The following EPYC variants were observed in gnomAD, a reference collection of about 807,000 sequenced individuals.
The protein encoded by EPYC is dermatan sulfate proteoglycan 3.
A neutral mutation model predicts 30.1 loss-of-function variants in EPYC; 28 were observed. The ratio of observed to expected loss-of-function variants is 0.93; its 90% confidence interval spans 0.69 to 1.28. The LOEUF (loss-of-function observed/expected upper bound fraction) is 1.28. Among genes scored for constraint, EPYC ranks in the 50% most tolerant of loss-of-function variants. The pLI is 0.00. For synonymous variants in EPYC, 144 were observed against 141.4 expected (o/e 1.02, Z -0.13); for missense variants, 382 against 383.5 (o/e 1.00, Z 0.03).
intron 2 of EPYC, among the ~76,000 whole-genome samples, chr12:90,985,686 C>G (rs995152694): frequency 1.3e-5 from 2 of 151,896 alleles, no homozygotes; most frequent in Admixed American, 6.6e-5. Flanking sequence ...AAGCTGCCCC[C>G]TTGCCCATGT....
intron 2 of EPYC, among the ~76,000 whole-genome samples, chr12:91,001,375 A>G (rs1158007748): frequency 6.6e-6 from 1 of 152,088 alleles, no homozygotes; most frequent in Non-Finnish European, 1.5e-5. Flanking sequence ...AGATTGCCCA[A>G]AATATGTTAT....
At chr12:90,977,966 C>T in intron 3 of EPYC, 122 bp downstream of exon 3, 1 of 690,750 alleles carries the variant, frequency 1.4e-6, no homozygotes. Flanking sequence ...TGCTTCAAAC[C>T]TAGCCTATTC....
chr12:90,983,437 A>G (rs1486017564), intron 2 of EPYC, among the ~76,000 whole-genome samples: 2 of 152,140 alleles, frequency 1.3e-5, no homozygotes, highest in Non-Finnish European at 2.9e-5. Flanking sequence ...GACTAAAGAC[A>G]TGGGTGTCAG....
chr12:91,002,037 A>T (rs1053330169), intron 2 of EPYC, among the ~76,000 whole-genome samples: 7 of 151,726 alleles, frequency 4.6e-5, no homozygotes, highest in Non-Finnish European at 1.5e-5. Context: ...AAATACAAAA[A>T]TTAGCTGCGT....
chr12:90,972,136 A>T, intron 4 of EPYC, 134 bp from the exon 5 acceptor site: 1 of 566,150 alleles, frequency 1.8e-6, no homozygotes, highest in Admixed American at 3.6e-5. Flanking sequence ...CTTTCTTTTT[A>T]TAAAAAATTA....
chr12:90,978,265 G>GAAAAAA lies in EPYC; in HGVS notation c.166-9_166-4dup. On this transcript the variant is annotated splice_region_variant and splice_polypyrimidine_tract_variant and intron_variant, in intron 2 of 6. Coordinates refer to ENST00000261172, the MANE Select transcript of EPYC (RefSeq NM_004950.5). ...GGCATCACTGTGGCTATTTCAATCTGAAAAAAAAAAAAAAAAGAGAATTTC... is the reference window on the plus strand; with the variant it reads ...GGCATCACTGTGGCTATTTCAATCTGAAAAAAAAAAAAAAAAAAAAAAGAGAATTTC... The GAAAAAA allele has an allele frequency of 8.1e-7, 1 of 1,238,334 alleles. No homozygotes were observed. The allele number at this position is 1,238,334 out of a possible 1,614,324, so 76.7% of individuals were successfully genotyped here.
At chr12:90,978,766 T>A (rs1020972287) in intron 2 of EPYC, among the ~76,000 whole-genome samples, 2 of 152,132 alleles carry the variant, frequency 1.3e-5, no homozygotes, top group Non-Finnish European at 2.9e-5. Context: ...GGTTCAAATA[T>A]TCTGTTCCTT....
chr12:90,978,134 G>A lies in EPYC; in HGVS notation c.294C>T (p.Pro98=). The A allele has an allele frequency of 6.2e-7, 1 of 1,602,902 alleles. No homozygotes were observed. The highest frequency in any genetic ancestry group is 1.4e-5 in the African/African-American group (1 of 73,872). ...GAACCCCTGTGAATTCAGGCTCCTGGGGAGAAGAGCCATCAATCAGCCTGG... is the reference window on the plus strand; with the variant it reads ...GAACCCCTGTGAATTCAGGCTCCTGAGGAGAAGAGCCATCAATCAGCCTGG... The part of the protein sequence containing the change: ...STPRLIDGSS[P]QEPEFTGVLG... The change falls in exon 3 of 7, where the codon CCC becomes CCT. Residue 98 remains proline (P), a synonymous_variant. Transcript: ENST00000261172.
At chr12:90,972,211 A>C (rs543434906) in intron 4 of EPYC, among the ~76,000 whole-genome samples, 3 of 152,328 alleles carry the variant, frequency 2.0e-5, no homozygotes, top group South Asian at 2.1e-4. Context: ...AAATTGGTAC[A>C]CCACGTTTAA....
intron 2 of EPYC, among the ~76,000 whole-genome samples, chr12:90,991,111 T>C (rs71456519): frequency 6.6e-6 from 1 of 152,214 alleles, no homozygotes; most frequent in African/African-American, 2.4e-5. Context: ...TATTTCTTTG[T>C]TCTTCTCAAA....
chr12:90,971,752 C>G, intron 5 of EPYC, 48 bp downstream of exon 5: 2 of 1,055,258 alleles, frequency 1.9e-6, no homozygotes, highest in Non-Finnish European at 2.6e-6. Flanking sequence ...TCAATGACAG[C>G]AAATAAAATT....
intron 2 of EPYC, among the ~76,000 whole-genome samples, chr12:90,980,527 C>A (rs957792132): frequency 6.6e-6 from 1 of 152,038 alleles, no homozygotes; most frequent in African/African-American, 2.4e-5. Context: ...GGCATTTTTT[C>A]CCCTCTTCAA....
intron 3 of EPYC, among the ~76,000 whole-genome samples, chr12:90,974,072 A>ACACGCACACC (rs71094701): frequency 2.8e-5 from 4 of 144,114 alleles, no homozygotes; most frequent in African/African-American, 1.1e-4. Flanking sequence ...ACACACACAC[A>ACACGCACACC]CCCCTACCTC....
intron 6 of EPYC, among the ~76,000 whole-genome samples, chr12:90,968,004 A>G (rs1410170774): frequency 6.6e-6 from 1 of 152,118 alleles, no homozygotes; most frequent in Non-Finnish European, 1.5e-5. Context: ...TAAAAATAAG[A>G]AGATGGAATA....
intron 2 of EPYC, among the ~76,000 whole-genome samples, chr12:91,000,320 T>C (rs1877793568): frequency 6.6e-6 from 1 of 152,118 alleles, no homozygotes; most frequent in South Asian, 2.1e-4. Flanking sequence ...ATATTTGGTA[T>C]TTCACATTAT....
intron 2 of EPYC, among the ~76,000 whole-genome samples, chr12:90,991,054 AAC>A (rs935904160): frequency 1.3e-5 from 2 of 152,078 alleles, no homozygotes; most frequent in African/African-American, 2.4e-5. Flanking sequence ...CTCTAGAGAG[AAC>A]ACGCTGAAAA....
At chr12:90,983,924 A>G (rs1160787547) in intron 2 of EPYC, among the ~76,000 whole-genome samples, 1 of 152,136 alleles carries the variant, frequency 6.6e-6, no homozygotes, top group East Asian at 1.9e-4. Flanking sequence ...CTGGAATTTT[A>G]GGATCCCTCC....
chr12:90,996,165 C>A (rs925960303), intron 2 of EPYC, among the ~76,000 whole-genome samples: 1 of 151,722 alleles, frequency 6.6e-6, no homozygotes, highest in Non-Finnish European at 1.5e-5. Flanking sequence ...AATACAGAGA[C>A]AATTTCCTAG....
chr12:90,989,911 G>A (rs887187698), intron 2 of EPYC, among the ~76,000 whole-genome samples: 4 of 151,828 alleles, frequency 2.6e-5, no homozygotes, highest in African/African-American at 9.7e-5. Flanking sequence ...AAATAATATT[G>A]GTAGGGAACT....
Sources: allele counts gnomAD v4.1 joint callset (sites outside exome capture counted in the v4.1 genomes callset), GRCh38; gene constraint gnomAD v4.1.1; transcripts MANE v1.5; gene names NCBI Gene and HGNC (gene_info 2026-07-23, HGNC 2026-07-21).